The following ELP4 variants were observed in gnomAD, a reference collection of about 807,000 sequenced individuals.
ELP4 encodes the protein elongator acetyltransferase complex subunit 4, also known as elongator complex protein 4.
Under a neutral mutation model 48.9 loss-of-function variants are expected in ELP4, and 51 were observed. The observed-to-expected ratio is 1.04, with a 90% CI of 0.83 to 1.32. The LOEUF is 1.32. Among genes scored for constraint, ELP4 ranks in the 40% most tolerant of loss-of-function variants. The pLI, the probability that ELP4 is intolerant of heterozygous loss-of-function variation, is 0.00. For missense variants in ELP4, 519 were observed against 514.6 expected (o/e 1.01, Z -0.08); for synonymous variants, 210 against 189.2 (o/e 1.11, Z -0.90).
At chr11:31,628,606 A>C (rs943515061) in intron 6 of ELP4, among the ~76,000 whole-genome samples, 3 of 152,080 alleles carry the variant, frequency 2.0e-5, no homozygotes, top group Admixed American at 1.3e-4. Flanking sequence ...GATAGACACC[A>C]AACTGGAGCT....
intron 9 of ELP4, among the ~76,000 whole-genome samples, chr11:31,772,402 G>A (rs1002412329): frequency 1.2e-4 from 19 of 152,152 alleles, no homozygotes; most frequent in Non-Finnish European, 4.4e-5. Flanking sequence ...TTACAGGCGT[G>A]AGCCAACGCA....
At chr11:31,520,237 A>G (rs370482596) in intron 2 of ELP4, 146 bp downstream of exon 2, 5 of 639,734 alleles carry the variant, frequency 7.8e-6, no homozygotes, top group Non-Finnish European at 1.3e-5. Flanking sequence ...CTTAAGTTCT[A>G]TTTTAAATTC....
At chr11:31,730,462 T>G (rs142178169) in intron 9 of ELP4, among the ~76,000 whole-genome samples, 23 of 152,286 alleles carry the variant, frequency 1.5e-4, no homozygotes, top group Non-Finnish European at 3.1e-4. Flanking sequence ...GATTACATTT[T>G]AACATGAATT....
chr11:31,608,215 G>A (rs373393051), intron 5 of ELP4, among the ~76,000 whole-genome samples: 2 of 151,988 alleles, frequency 1.3e-5, no homozygotes, highest in Non-Finnish European at 2.9e-5. Flanking sequence ...GTCGATTACC[G>A]TATAGTGGGT....
intron 9 of ELP4, among the ~76,000 whole-genome samples, chr11:31,697,763 T>A (rs1382732873): frequency 6.6e-6 from 1 of 152,076 alleles, no homozygotes; most frequent in Non-Finnish European, 1.5e-5. Flanking sequence ...CAGGGTCTCA[T>A]CAAAAGAAAT....
chr11:31,611,672 T>G (rs1291604328), intron 5 of ELP4, among the ~76,000 whole-genome samples: 1 of 152,248 alleles, frequency 6.6e-6, no homozygotes, highest in African/African-American at 2.4e-5. Context: ...TCTATGAACT[T>G]GAGCACCTGC....
At chr11:31,674,152 G>A (rs528804339) in intron 9 of ELP4, among the ~76,000 whole-genome samples, 1 of 152,138 alleles carries the variant, frequency 6.6e-6, no homozygotes, top group African/African-American at 2.4e-5. Context: ...AGGATCATTG[G>A]TATTGTTTTC....
intron 9 of ELP4, among the ~76,000 whole-genome samples, chr11:31,762,318 A>C (rs1947961084): frequency 6.6e-6 from 1 of 152,212 alleles, no homozygotes; most frequent in Non-Finnish European, 1.5e-5. Context: ...TTCACAACAA[A>C]GTTTATTTAA....
Position 31,769,795 on chromosome 11 carries a change from A to G in ELP4, c.1144-13598A>G, listed in dbSNP as rs562816405. ...TTTCCATATAATATACTTTTAAAAA[A>G]AAACGAGGATAAAAAGGAATTCTCA... On this transcript the variant is annotated intron_variant, in intron 9 of 9. Coordinates refer to ENST00000640961, the MANE Select transcript of ELP4 (RefSeq NM_019040.5). 2.6e-5 allele frequency among the ~76,000 whole-genome samples: 4 copies of G among 152,358 alleles called. No homozygotes were observed. In the East Asian group the frequency reaches 7.7e-4, roughly 29 times the overall value.
intron 3 of ELP4, among the ~76,000 whole-genome samples, chr11:31,557,876 C>T (rs548798950): frequency 8.1e-4 from 123 of 152,118 alleles, no homozygotes; most frequent in African/African-American, 2.8e-3. Flanking sequence ...TTTTTTTCCA[C>T]ACATTTTTAC....
At chr11:31,573,381 A>G (rs535545338) in intron 3 of ELP4, among the ~76,000 whole-genome samples, 61 of 152,274 alleles carry the variant, frequency 4.0e-4, no homozygotes, top group African/African-American at 1.2e-3. Context: ...CGGTATCAAA[A>G]TCTGTGTTAG....
intron 3 of ELP4, among the ~76,000 whole-genome samples, chr11:31,578,014 T>C (rs1237168922): frequency 1.3e-5 from 2 of 152,210 alleles, no homozygotes; most frequent in African/African-American, 4.8e-5. Context: ...TGTCTCTGTT[T>C]GCAGATGATG....
intron 2 of ELP4, among the ~76,000 whole-genome samples, chr11:31,535,815 T>C (rs1956491264): frequency 6.6e-6 from 1 of 152,240 alleles, no homozygotes; most frequent in Non-Finnish European, 1.5e-5. Flanking sequence ...TTGCTTTCTA[T>C]AGAATATCGT....
At chr11:31,670,157 T>A (rs1945778927) in intron 9 of ELP4, among the ~76,000 whole-genome samples, 1 of 152,164 alleles carries the variant, frequency 6.6e-6, no homozygotes, top group Non-Finnish European at 1.5e-5. Context: ...ATTTTTTAGC[T>A]AATCTATATT....
intron 9 of ELP4, among the ~76,000 whole-genome samples, chr11:31,681,060 A>G (rs1201073254): frequency 6.6e-6 from 1 of 152,184 alleles, no homozygotes; most frequent in Non-Finnish European, 1.5e-5. Flanking sequence ...ATCCTGACTC[A>G]TTAGTAACAG....
intron 9 of ELP4, among the ~76,000 whole-genome samples, chr11:31,710,877 A>G (rs1218684178): frequency 6.6e-6 from 1 of 152,176 alleles, no homozygotes; most frequent in Non-Finnish European, 1.5e-5. Flanking sequence ...AATAGGGGAG[A>G]CTAGAACCCG....
At chr11:31,748,773 G>A (rs1405746473) in intron 9 of ELP4, among the ~76,000 whole-genome samples, 1 of 151,870 alleles carries the variant, frequency 6.6e-6, no homozygotes, top group Non-Finnish European at 1.5e-5. Context: ...GGAGGCCAAG[G>A]TGTGAGGATC....
At chr11:31,558,630 TA>T (rs748926298) in intron 3 of ELP4, among the ~76,000 whole-genome samples, 14 of 152,190 alleles carry the variant, frequency 9.2e-5, no homozygotes, top group Non-Finnish European at 2.1e-4. Context: ...AGACCCTGCC[TA>T]AGTCACTTAG....
chr11:31,749,333 G>A (rs773919779), intron 9 of ELP4, among the ~76,000 whole-genome samples: 4 of 152,306 alleles, frequency 2.6e-5, no homozygotes, highest in East Asian at 1.9e-4. Context: ...AAAGAGACAC[G>A]TAAAAGTCCC....
Sources: allele counts gnomAD v4.1 joint callset (sites outside exome capture counted in the v4.1 genomes callset), GRCh38; gene constraint gnomAD v4.1.1; transcripts MANE v1.5; gene names NCBI Gene and HGNC (gene_info 2026-07-23, HGNC 2026-07-21).